Variants in SNX7 observed in about 807,000 individuals in gnomAD.
The protein encoded by SNX7 is sorting nexin 7.
A neutral mutation model predicts 48.4 loss-of-function variants in SNX7; 35 were observed. That is an observed-to-expected ratio of 0.72 (90% CI 0.55 to 0.96). SNX7 has a LOEUF of 0.96. Ranked by LOEUF, SNX7 falls within the 40% of genes least tolerant of loss-of-function variation. SNX7 has a pLI of 0.00. For missense variants in SNX7, 553 were observed against 548.9 expected, an observed-to-expected ratio of 1.01 and a Z score of -0.07; for synonymous variants, 190 against 190.2, an observed-to-expected ratio of 1.00 and a Z score of 0.01.
At chr1:98,674,936 G>C (rs1650077198) in intron 1 of SNX7, among the ~76,000 whole-genome samples, 1 of 152,122 alleles carries the variant, frequency 6.6e-6, no homozygotes, top group African/African-American at 2.4e-5. Flanking sequence ...CTAGCTACAG[G>C]AGTAAACGTG....
intron 1 of SNX7, among the ~76,000 whole-genome samples, chr1:98,675,198 A>G (rs1650094802): frequency 6.6e-6 from 1 of 152,156 alleles, no homozygotes; most frequent in Non-Finnish European, 1.5e-5. Context: ...TTTTTGGTTA[A>G]TTGCTACTTT....
intron 7 of SNX7, among the ~76,000 whole-genome samples, chr1:98,729,921 C>T (rs1653411863): frequency 6.6e-6 from 1 of 152,130 alleles, no homozygotes; most frequent in Non-Finnish European, 1.5e-5. Context: ...AGGCCAACAT[C>T]ACCCTGATAC....
rs201822457 is a variant in SNX7, at chr1:98,701,805, T to C, written c.1039-12T>C. The C allele has an allele frequency of 6.3e-7, 1 of 1,590,898 alleles. No individual in the cohort carries two copies. Among genetic ancestry groups the C allele is most frequent in the Non-Finnish European group, 8.6e-7 (1 of 1,165,610 alleles). The stretch of plus-strand genomic sequence containing the variant: ...AGTACAGCCTATTTTATCTGTGTGT[T>C]TTAATGTAAAGGGTGTTATGAAAAG... On this transcript the variant is annotated splice_polypyrimidine_tract_variant and intron_variant, in intron 6 of 8. Coordinates refer to ENST00000306121, the MANE Select transcript of SNX7 (RefSeq NM_015976.5).
chr1:98,694,092 T>C (rs1651296733), intron 4 of SNX7, among the ~76,000 whole-genome samples: 3 of 152,202 alleles, frequency 2.0e-5, no homozygotes, highest in East Asian at 1.9e-4. Context: ...TTTTCTCAGC[T>C]GGGCGCGGTG....
At chr1:98,735,261 G>A (rs1440926050) in intron 7 of SNX7, among the ~76,000 whole-genome samples, 1 of 152,104 alleles carries the variant, frequency 6.6e-6, no homozygotes, top group Non-Finnish European at 1.5e-5. Flanking sequence ...GAAAGATATA[G>A]TGCAGATTAT....
chr1:98,754,035 G>A (rs997828136), intron 8 of SNX7, among the ~76,000 whole-genome samples: 9 of 151,862 alleles, frequency 5.9e-5, no homozygotes, highest in African/African-American at 2.4e-5. Context: ...GCTTTTTGTA[G>A]ATGTTCCTCG....
At chr1:98,739,729 T>C (rs559811983) in intron 8 of SNX7, among the ~76,000 whole-genome samples, 1 of 152,242 alleles carries the variant, frequency 6.6e-6, no homozygotes, top group East Asian at 1.9e-4. Flanking sequence ...AGAAAACACA[T>C]GCACAAAAGT....
At chr1:98,735,898 C>T (rs752415251) in intron 7 of SNX7, among the ~76,000 whole-genome samples, 19 of 152,122 alleles carry the variant, frequency 1.2e-4, no homozygotes, top group South Asian at 4.2e-4. Context: ...CAATGCTGTA[C>T]TGATAAGGCT....
chr1:98,738,396 AG>A lies in SNX7; in HGVS notation c.1278+8del, dbSNP rs1653903152. The A allele has an allele frequency of 6.2e-7, 1 of 1,611,342 alleles. No individual in the cohort carries two copies. The highest frequency in any genetic ancestry group is 1.7e-5 in the Admixed American group (1 of 59,854). On this transcript the variant is annotated splice_region_variant and intron_variant, in intron 8 of 8. Transcript: ENST00000306121. ...TATCCATTATTATGAACAGGTAATT[AG>A]TGTTGTTTGATATTGCTTCATTTTA...
chr1:98,691,556 G>C lies in SNX7; in HGVS notation c.496G>C (p.Val166Leu), dbSNP rs760067431. ...TTAGCCATTGCCAGAAAAGTTTATAGTAAAAGGAATGGTGGAACGCTTTAA... is the reference window on the plus strand; with the variant it reads ...TTAGCCATTGCCAGAAAAGTTTATACTAAAAGGAATGGTGGAACGCTTTAA... ...IIPPLPEKFI[V>L]KGMVERFNDD... Residue 166 changes from valine (V) to leucine (L), a missense_variant, in exon 4 of 9, where the codon GTA becomes CTA. Physicochemically the swap from Val to Leu is conservative, Grantham distance 32. Coordinates refer to ENST00000306121, the MANE Select transcript of SNX7 (RefSeq NM_015976.5). 3.8e-6 allele frequency: 6 copies of C among 1,589,100 alleles called. No individual in the cohort carries two copies. Among genetic ancestry groups the C allele is most frequent in the Non-Finnish European group, 5.1e-6 (6 of 1,170,738 alleles).
intron 7 of SNX7, among the ~76,000 whole-genome samples, chr1:98,723,931 A>T (rs918933905): frequency 1.7e-4 from 26 of 148,816 alleles, no homozygotes; most frequent in African/African-American, 5.6e-4. Context: ...CAATAATTAG[A>T]CTTCATATTT....
chr1:98,756,026 A>G (rs55905003), intron 8 of SNX7, among the ~76,000 whole-genome samples: 23,501 of 107,166 alleles, frequency 0.22, 1,892 homozygotes, highest in South Asian at 0.31. Context: ...TTGATAGACA[A>G]TTTTACATGA....
chr1:98,700,166 A>AG (rs1037380389), intron 6 of SNX7, among the ~76,000 whole-genome samples: 31 of 152,346 alleles, frequency 2.0e-4, no homozygotes, highest in African/African-American at 6.0e-4. Context: ...TTAGATGCCT[A>AG]GGGTATAATA....
chr1:98,687,835 T>C (rs186947850), intron 2 of SNX7, among the ~76,000 whole-genome samples: 185 of 152,222 alleles, frequency 1.2e-3, no homozygotes, highest in African/African-American at 4.2e-3. Flanking sequence ...AGACACATCT[T>C]ACATGGAAGC....
chr1:98,736,648 G>A (rs533694123), intron 7 of SNX7, among the ~76,000 whole-genome samples: 14 of 152,236 alleles, frequency 9.2e-5, no homozygotes, highest in African/African-American at 3.1e-4. Context: ...ATGAAAGTCA[G>A]CCTTTCTACT....
chr1:98,663,407 T>G (rs1649375565), intron 1 of SNX7, among the ~76,000 whole-genome samples: 1 of 152,026 alleles, frequency 6.6e-6, no homozygotes, highest in South Asian at 2.1e-4. Context: ...TGTCAAGTGG[T>G]TTCTCTTTCC....
intron 1 of SNX7, chr1:98,662,812 A>G (rs977303304): frequency 1.6e-6 from 2 of 1,289,150 alleles, no homozygotes; most frequent in Non-Finnish European, 2.0e-6. Flanking sequence ...ACCTGGAGAT[A>G]TTAGGTAAAG....
At chr1:98,689,961 G>A (rs1651025584) in intron 2 of SNX7, among the ~76,000 whole-genome samples, 2 of 152,030 alleles carry the variant, frequency 1.3e-5, no homozygotes, top group Admixed American at 1.3e-4. Flanking sequence ...ATTATAAAGG[G>A]AATGTTGTAC....
intron 7 of SNX7, among the ~76,000 whole-genome samples, chr1:98,726,024 T>C (rs1653145763): frequency 6.6e-6 from 1 of 152,174 alleles, no homozygotes; most frequent in Non-Finnish European, 1.5e-5. Flanking sequence ...CTCAGTTCCT[T>C]AACACAGGAT....
Sources: allele counts gnomAD v4.1 joint callset (sites outside exome capture counted in the v4.1 genomes callset), GRCh38; gene constraint gnomAD v4.1.1; transcripts MANE v1.5; gene names NCBI Gene and HGNC (gene_info 2026-07-23, HGNC 2026-07-21).